Variants in PGM5 observed in about 807,000 individuals in gnomAD.
The protein encoded by PGM5 is phosphoglucomutase 5.
In PGM5, 23 loss-of-function variants were observed where a neutral mutation model predicts 59.2. That is an observed-to-expected ratio of 0.39 (90% CI 0.28 to 0.55). PGM5 has a LOEUF of 0.55. Among genes scored for constraint, PGM5 ranks in the 20% least tolerant of loss-of-function variants. PGM5 has a pLI of 0.66. For synonymous variants in PGM5, 214 were observed against 286.0 expected, an observed-to-expected ratio of 0.75 and a Z score of 2.54; for missense variants, 574 against 748.3, an observed-to-expected ratio of 0.77 and a Z score of 2.72.
At chr9:68,454,507 G>A (rs907378540) in intron 6 of PGM5, among the ~76,000 whole-genome samples, 1 of 152,240 alleles carries the variant, frequency 6.6e-6, no homozygotes, top group African/African-American at 2.4e-5. Flanking sequence ...ATGGCAGGAT[G>A]ATGCCGCAGT....
intron 6 of PGM5, among the ~76,000 whole-genome samples, chr9:68,436,659 G>T (rs1464447295): frequency 6.6e-6 from 1 of 152,148 alleles, no homozygotes; most frequent in Non-Finnish European, 1.5e-5. Context: ...AAGTGTATTT[G>T]TACCAACCAC....
intron 6 of PGM5, among the ~76,000 whole-genome samples, chr9:68,411,428 T>C (rs1822929135): frequency 7.4e-6 from 1 of 135,342 alleles, no homozygotes; most frequent in Admixed American, 7.9e-5. Context: ...CATGTGTGTA[T>C]ATATATACAC....
At chr9:68,444,539 A>T (rs1823581112) in intron 6 of PGM5, among the ~76,000 whole-genome samples, 1 of 152,252 alleles carries the variant, frequency 6.6e-6, no homozygotes. Flanking sequence ...CCAGAGAATT[A>T]TCTTCCAGAT....
chr9:68,446,346 A>G (rs1823611968), intron 6 of PGM5, among the ~76,000 whole-genome samples: 1 of 152,244 alleles, frequency 6.6e-6, no homozygotes, highest in Admixed American at 6.5e-5. Context: ...TTTCCCATAC[A>G]TTCTCATTTC....
chr9:68,390,942 G>A (rs550696524), intron 4 of PGM5, among the ~76,000 whole-genome samples: 2 of 151,782 alleles, frequency 1.3e-5, no homozygotes, highest in East Asian at 3.9e-4. Flanking sequence ...ACAAGCCCAG[G>A]AATGTAGAAA....
intron 6 of PGM5, 51 bp from the exon 7 acceptor site, chr9:68,465,042 A>C (rs1823911278): frequency 8.0e-7 from 1 of 1,247,952 alleles, no homozygotes; most frequent in Admixed American, 1.8e-5. Context: ...TGAGAAAAAA[A>C]AACAGAAAAT....
chr9:68,427,591 AC>A, intron 6 of PGM5, among the ~76,000 whole-genome samples: 1 of 152,298 alleles, frequency 6.6e-6, no homozygotes, highest in Admixed American at 6.5e-5. Flanking sequence ...TGGGCTTTTC[AC>A]TTGTGTATAA....
chr9:68,387,254 G>A (rs1252183710), intron 3 of PGM5, among the ~76,000 whole-genome samples: 4 of 151,930 alleles, frequency 2.6e-5, no homozygotes, highest in African/African-American at 7.2e-5. Flanking sequence ...TATACCCATT[G>A]AGCACCTGAA....
intron 10 of PGM5, among the ~76,000 whole-genome samples, chr9:68,513,971 G>T (rs1375957945): frequency 6.6e-6 from 1 of 152,180 alleles, no homozygotes; most frequent in Non-Finnish European, 1.5e-5. Flanking sequence ...TTGATAAAAA[G>T]CTTAAAAGAA....
intron 6 of PGM5, among the ~76,000 whole-genome samples, chr9:68,455,029 A>G (rs1823751644): frequency 6.6e-6 from 1 of 152,236 alleles, no homozygotes; most frequent in Non-Finnish European, 1.5e-5. Flanking sequence ...AGTCTTGAAG[A>G]TGGTTCCTTT....
In PGM5 at chr9:68,391,668, C is replaced by A; in HGVS notation, c.832C>A (p.Leu278Met). The A allele has an allele frequency of 6.2e-7, 1 of 1,613,128 alleles. No homozygotes were observed. Among genetic ancestry groups the A allele is most frequent in the East Asian group, 2.2e-5 (1 of 44,860 alleles). The change falls in exon 5 of 11, where the codon CTG (leucine) becomes ATG (methionine). Residue 278 changes from leucine to methionine, a missense_variant. Leu to Met is a conservative substitution (Grantham distance 15, BLOSUM62 2). Around this residue, in one of 7 missense-constraint regions of PGM5, gnomAD observed 34 missense variants for 48.1 expected, o/e 0.71. Transcript: ENST00000396396. ...DPNLTYATTLLEAMKGGEYGF... is the reference protein window; with the variant it reads ...DPNLTYATTLMEAMKGGEYGF... ...AAACCTGACATATGCAACGACTCTTCTGGAAGCAATGAAAGGAGGAGAATA... is the reference window on the plus strand; with the variant it reads ...AAACCTGACATATGCAACGACTCTTATGGAAGCAATGAAAGGAGGAGAATA...
intron 6 of PGM5, among the ~76,000 whole-genome samples, chr9:68,447,771 C>G (rs186218208): frequency 1.1e-4 from 17 of 152,276 alleles, no homozygotes; most frequent in African/African-American, 4.1e-4. Flanking sequence ...CTAAGAACAT[C>G]TTGGCATGAT....
In PGM5 at chr9:68,510,272, C is replaced by T. The variant is rs369693153; in HGVS notation, c.1614+10911C>T. On this transcript the variant is annotated intron_variant, in intron 10 of 10. Transcript: ENST00000396396. ...GTTCACGCCCTTCTCCTGCCTCAGC[C>T]TCCCAAGTAGCTGGGACTACACGCA... 1.5e-3 allele frequency among the ~76,000 whole-genome samples: 220 copies of T among 151,646 alleles called. 1 individual carries two copies. The highest frequency in any genetic ancestry group is 5.0e-3 in the African/African-American group (208 of 41,266).
chr9:68,416,096 A>G (rs1394643178), intron 6 of PGM5, among the ~76,000 whole-genome samples: 2 of 152,220 alleles, frequency 1.3e-5, no homozygotes, highest in Admixed American at 1.3e-4. Flanking sequence ...AACCATGCTC[A>G]TGAGAAGATG....
rs1823291140 is a variant in PGM5 at position 68,428,754 on chromosome 9, TC to T, written c.1043+36283del. ...AACCAGCTGTGGCAGACCCAGTTGT[TC>T]CTAGAAGTTGCTATCTCTGTCTTTC... On this transcript the variant is annotated intron_variant, in intron 6 of 10. Coordinates refer to ENST00000396396, the MANE Select transcript of PGM5 (RefSeq NM_021965.4). 5.9e-5 allele frequency: 9 copies of T among 152,370 alleles called. No homozygotes were observed. The South Asian group carries it at 1.9e-3, about 32-fold the overall frequency. The allele number at this position is 152,370 out of a possible 1,614,324, so 9.4% of individuals were successfully genotyped here.
chr9:68,458,786 A>G (rs996622530), intron 6 of PGM5, among the ~76,000 whole-genome samples: 2 of 152,324 alleles, frequency 1.3e-5, no homozygotes, highest in East Asian at 1.9e-4. Flanking sequence ...TCATTTTATT[A>G]ATACCTGAAA....
rs534477472 is a variant in PGM5 at position 68,457,043 on chromosome 9, T to A, written c.1044-8050T>A. On this transcript the variant is annotated intron_variant, in intron 6 of 10. Coordinates refer to ENST00000396396, the MANE Select transcript of PGM5 (RefSeq NM_021965.4). ...TATTGGCCAATCAGTCTTCTTCTTC[T>A]GTGACTTGCTTAGGTCATCTGAGTT... Among the ~76,000 whole-genome samples the A allele has an allele frequency of 3.9e-5, 6 of 152,332 alleles. No individual in the cohort carries two copies. In the South Asian group the frequency reaches 1.2e-3, roughly 32 times the overall value.
At chr9:68,488,216 T>C (rs1824329536) in intron 9 of PGM5, among the ~76,000 whole-genome samples, 1 of 152,172 alleles carries the variant, frequency 6.6e-6, no homozygotes, top group Admixed American at 6.5e-5. Flanking sequence ...CATCTGGGAA[T>C]TGATTCAAAC....
intron 1 of PGM5, among the ~76,000 whole-genome samples, chr9:68,374,152 TA>T (rs1259375881): frequency 6.6e-6 from 1 of 152,266 alleles, no homozygotes; most frequent in Non-Finnish European, 1.5e-5. Flanking sequence ...GTCACCACTA[TA>T]CAATCTTCAT....
Sources: allele counts gnomAD v4.1 joint callset (sites outside exome capture counted in the v4.1 genomes callset), GRCh38; gene constraint gnomAD v4.1.1; regional missense constraint gnomAD v4.1.1; transcripts MANE v1.5; gene names NCBI Gene and HGNC (gene_info 2026-07-23, HGNC 2026-07-21).